KCNK18: variants seen among roughly 807,000 people sequenced by gnomAD.
KCNK18 encodes potassium channel subfamily K member 18.
A neutral mutation model predicts 11.8 loss-of-function variants in KCNK18; 8 were observed. That is an observed-to-expected ratio of 0.68 (90% CI 0.40 to 1.22). The LOEUF (loss-of-function observed/expected upper bound fraction) is 1.22. KCNK18 is among the 50% of genes most tolerant of loss of function. The pLI is 0.01. For missense variants in KCNK18, 442 were observed against 465.4 expected, an observed-to-expected ratio of 0.95 and a Z score of 0.46; for synonymous variants, 208 against 185.8, an observed-to-expected ratio of 1.12 and a Z score of -0.97.
intron 2 of KCNK18, among the ~76,000 whole-genome samples, chr10:117,202,794 C>CGGGTGT (rs1855028774): frequency 6.6e-6 from 1 of 151,208 alleles, no homozygotes; most frequent in South Asian, 2.1e-4. Flanking sequence ...GGGTGGGCAA[C>CGGGTGT]CGGTGTCTGC....
intron 2 of KCNK18, among the ~76,000 whole-genome samples, chr10:117,206,455 C>T (rs1381359195): frequency 2.6e-5 from 4 of 152,208 alleles, no homozygotes; most frequent in Non-Finnish European, 5.9e-5. Context: ...ATCTTGAGAT[C>T]CTTAATCACA....
At chr10:117,200,763 G>T (rs933277062) in intron 1 of KCNK18, among the ~76,000 whole-genome samples, 2 of 149,310 alleles carry the variant, frequency 1.3e-5, no homozygotes, top group African/African-American at 4.9e-5. Flanking sequence ...AGCGAGCCGA[G>T]ATCACACCAC....
intron 1 of KCNK18, among the ~76,000 whole-genome samples, chr10:117,200,735 C>G (rs1855003401): frequency 6.6e-6 from 1 of 151,376 alleles, no homozygotes; most frequent in Non-Finnish European, 1.5e-5. Flanking sequence ...TTGCTTGAAC[C>G]AGGGAGGTGG....
chr10:117,197,912 G>C (rs1047032698), intron 1 of KCNK18, among the ~76,000 whole-genome samples: 12 of 152,236 alleles, frequency 7.9e-5, no homozygotes, highest in Middle Eastern at 3.4e-3. Flanking sequence ...TGCCTCTCAG[G>C]GTTGCTGTGA....
chr10:117,209,523 A>T lies in KCNK18; in HGVS notation c.379A>T (p.Arg127Trp). 6.2e-7 allele frequency: 1 copy of T among 1,614,146 alleles called. No homozygotes were observed. Among genetic ancestry groups the T allele is most frequent in the Non-Finnish European group, 8.5e-7 (1 of 1,180,010 alleles). Residue 127 changes from arginine (R) to tryptophan (W), a missense_variant, in exon 3 of 3, where the codon AGG (arginine) becomes TGG (tryptophan). Physicochemically the swap from Arg to Trp is moderately radical, Grantham distance 101. Coordinates refer to ENST00000334549, the MANE Select transcript of KCNK18 (RefSeq NM_181840.1). ...VGYGYIYPVT[R>W]LGKYLCMLYA... ...CTATGGCTACATCTACCCCGTCACCAGGCTTGGCAAGTACTTGTGCATGCT... is the reference window on the plus strand; with the variant it reads ...CTATGGCTACATCTACCCCGTCACCTGGCTTGGCAAGTACTTGTGCATGCT...
rs1043428936 is a variant in KCNK18 at position 117,197,787 on chromosome 10, C to T, written c.223+76C>T. 2.2e-6 allele frequency: 3 copies of T among 1,344,490 alleles called. No homozygotes were observed. In the Admixed American group the frequency reaches 5.5e-5, roughly 25 times the overall value. The allele number at this position is 1,344,490 out of a possible 1,614,324, so 83.3% of individuals were successfully genotyped here. On this transcript the variant is annotated intron_variant, in intron 1 of 2. Coordinates refer to ENST00000334549, the MANE Select transcript of KCNK18 (RefSeq NM_181840.1). ...TCCCCCAAGAGCAGAGGGCTGCCTT[C>T]TAGGAGGCTGGGTCTGGGAGCTGCC...
chr10:117,209,637 C>A lies in KCNK18; in HGVS notation c.493C>A (p.Arg165=), dbSNP rs115251364. ...AACCATCTTATCTACATCTTATAAT[C>A]GGTTCCGAAAATTCCCTTTCTTTAC... ...LATILSTSYN[R]FRKFPFFTRP... is the part of the protein sequence containing the mutation. Residue 165 remains arginine (R), a synonymous_variant, in exon 3 of 3, where the codon CGG becomes AGG. Transcript: ENST00000334549. 3.1e-6 allele frequency: 5 copies of A among 1,614,172 alleles called. No homozygotes were observed. Among genetic ancestry groups the A allele is most frequent in the Admixed American group, 1.7e-5 (1 of 60,022 alleles).
At chr10:117,201,120 G>T (rs1336181256) in intron 1 of KCNK18, 39 bp from the exon 2 acceptor site, 1 of 1,613,550 alleles carries the variant, frequency 6.2e-7, no homozygotes, top group Non-Finnish European at 8.5e-7. Flanking sequence ...TTTACCAGCA[G>T]AACCTTTTCC....
chr10:117,197,969 C>A (rs1854969832), intron 1 of KCNK18, among the ~76,000 whole-genome samples: 1 of 152,154 alleles, frequency 6.6e-6, no homozygotes. Flanking sequence ...CAGGAAAGAC[C>A]AGCTCCCCTT....
chr10:117,199,050 G>C (rs991016402), intron 1 of KCNK18, among the ~76,000 whole-genome samples: 1 of 152,206 alleles, frequency 6.6e-6, no homozygotes, highest in African/African-American at 2.4e-5. Flanking sequence ...AAGCATGGTG[G>C]CTCATGCCCA....
intron 2 of KCNK18, 89 bp from the exon 3 acceptor site, chr10:117,209,408 G>C: frequency 9.9e-7 from 1 of 1,010,916 alleles, no homozygotes; most frequent in Non-Finnish European, 1.6e-6. Flanking sequence ...ATGCCAAGGA[G>C]GGGAGATGGC....
At chr10:117,203,341 C>T (rs1238145518) in intron 2 of KCNK18, among the ~76,000 whole-genome samples, 3 of 152,102 alleles carry the variant, frequency 2.0e-5, no homozygotes, top group Non-Finnish European at 1.5e-5. Flanking sequence ...CTGTGACTAT[C>T]CCATTCCACA....
intron 2 of KCNK18, 150 bp downstream of exon 2, chr10:117,201,437 A>T (rs1201374803): frequency 2.3e-6 from 2 of 851,190 alleles, no homozygotes; most frequent in Non-Finnish European, 3.8e-6. Context: ...ACACCTACAA[A>T]TAGCAGCAGC....
chr10:117,209,161 C>T (rs907301861), intron 2 of KCNK18, among the ~76,000 whole-genome samples: 3 of 152,188 alleles, frequency 2.0e-5, no homozygotes, highest in African/African-American at 7.2e-5. Context: ...CAGCTGAGCC[C>T]TTCCTTTGGG....
intron 2 of KCNK18, among the ~76,000 whole-genome samples, 164 bp downstream of exon 2, chr10:117,201,451 G>A (rs1456721393): frequency 2.6e-5 from 4 of 152,110 alleles, no homozygotes; most frequent in South Asian, 4.1e-4. Flanking sequence ...CAGCAGCTGC[G>A]CTGGCCGACA....
At chr10:117,207,985 G>A (rs1855095122) in intron 2 of KCNK18, among the ~76,000 whole-genome samples, 1 of 152,186 alleles carries the variant, frequency 6.6e-6, no homozygotes, top group African/African-American at 2.4e-5. Flanking sequence ...TGTGGGGTTT[G>A]AGGTCTGTCT....
chr10:117,204,332 A>G (rs990525462), intron 2 of KCNK18, among the ~76,000 whole-genome samples: 2 of 151,768 alleles, frequency 1.3e-5, no homozygotes, highest in Admixed American at 6.6e-5. Flanking sequence ...GGATTTCTCA[A>G]CCTCAGCACT....
At chr10:117,198,540 T>G (rs563536286) in intron 1 of KCNK18, among the ~76,000 whole-genome samples, 13 of 152,330 alleles carry the variant, frequency 8.5e-5, no homozygotes, top group African/African-American at 3.1e-4. Flanking sequence ...GTTTCTACTC[T>G]GCTGTGTTCC....
At chr10:117,200,528 C>T (rs1452737830) in intron 1 of KCNK18, among the ~76,000 whole-genome samples, 2 of 152,134 alleles carry the variant, frequency 1.3e-5, no homozygotes, top group East Asian at 3.9e-4. Context: ...ATGATAGAGG[C>T]GGGGCGCGGT....
Sources: allele counts gnomAD v4.1 joint callset (sites outside exome capture counted in the v4.1 genomes callset), GRCh38; gene constraint gnomAD v4.1.1; transcripts MANE v1.5; gene names NCBI Gene and HGNC (gene_info 2026-07-23, HGNC 2026-07-21).